Variants in EPS15 observed in about 807,000 individuals in gnomAD.
EPS15 encodes the protein epidermal growth factor receptor pathway substrate 15, also known as epidermal growth factor receptor substrate 15.
A neutral mutation model predicts 113.8 loss-of-function variants in EPS15; 72 were observed. That is an observed-to-expected ratio of 0.63 (90% confidence interval 0.52 to 0.77). EPS15 has a LOEUF of 0.77. EPS15 is among the 30% of genes least tolerant of loss of function. The pLI, the probability that EPS15 is intolerant of heterozygous loss-of-function variation, is 0.00. For synonymous variants in EPS15, 344 were observed against 363.4 expected (o/e 0.95, Z 0.61); for missense variants, 1,048 against 1,045.8 (o/e 1.00, Z -0.03).
intron 16 of EPS15, among the ~76,000 whole-genome samples, chr1:51,404,962 C>G (rs1307009373): frequency 1.3e-5 from 2 of 152,208 alleles, no homozygotes; most frequent in Non-Finnish European, 2.9e-5. Context: ...TTCAGAACTT[C>G]TCAAGATTCT....
intron 15 of EPS15, 141 bp downstream of exon 15, chr1:51,407,994 A>C: frequency 1.4e-6 from 1 of 701,892 alleles, no homozygotes; most frequent in Non-Finnish European, 2.5e-6. Flanking sequence ...AACAGGTGAC[A>C]AAAAAACCTA....
At chr1:51,413,341 A>C (rs1570247669) in intron 13 of EPS15, among the ~76,000 whole-genome samples, 1 of 152,190 alleles carries the variant, frequency 6.6e-6, no homozygotes, top group East Asian at 1.9e-4. Flanking sequence ...GCTAACCTCT[A>C]AATTACAAAC....
chr1:51,451,304 C>T (rs1653528258), intron 8 of EPS15, among the ~76,000 whole-genome samples: 1 of 151,474 alleles, frequency 6.6e-6, no homozygotes, highest in South Asian at 2.1e-4. Context: ...GCCTGGCCAA[C>T]ATGGTAAAAC....
At chr1:51,414,495 T>C (rs1353801649) in intron 13 of EPS15, among the ~76,000 whole-genome samples, 1 of 152,198 alleles carries the variant, frequency 6.6e-6, no homozygotes, top group Non-Finnish European at 1.5e-5. Flanking sequence ...TAGGTTTATA[T>C]AACAATATGC....
intron 1 of EPS15, among the ~76,000 whole-genome samples, chr1:51,498,580 T>C (rs1644364464): frequency 6.6e-6 from 1 of 152,180 alleles, no homozygotes; most frequent in Non-Finnish European, 1.5e-5. Context: ...GCTATGATGT[T>C]TGGTAAGTTA....
chr1:51,446,992 T>C lies in EPS15; in HGVS notation c.765A>G (p.Thr255=), dbSNP rs760309555. The change falls in exon 10 of 25, where the codon ACA becomes ACG. Residue 255 remains threonine (T), a synonymous_variant. Coordinates refer to ENST00000371733, the MANE Select transcript of EPS15 (RefSeq NM_001981.3). ...GLEVREIFLK[T]GLPSTLLAHI... ...GGGCTAGTAAGGTAGAAGGTAAACC[T>C]GTTTTCAAGAATATTTCACGGACCT... The C allele has an allele frequency of 6.2e-7, 1 of 1,613,296 alleles. No homozygotes were observed. The highest frequency in any genetic ancestry group is 1.1e-5 in the South Asian group (1 of 91,024).
intron 1 of EPS15, among the ~76,000 whole-genome samples, chr1:51,517,313 G>A (rs146601695): frequency 2.2e-3 from 341 of 152,160 alleles, no homozygotes; most frequent in Non-Finnish European, 3.5e-3. Flanking sequence ...TACTGATTCC[G>A]TACTTACTGT....
chr1:51,499,231 A>C (rs1454693598), intron 1 of EPS15, among the ~76,000 whole-genome samples: 1 of 152,212 alleles, frequency 6.6e-6, no homozygotes, highest in South Asian at 2.1e-4. Context: ...AGACACATAT[A>C]AAAACAAACA....
intron 13 of EPS15, among the ~76,000 whole-genome samples, chr1:51,418,219 G>A (rs927297437): frequency 6.6e-6 from 1 of 152,094 alleles, no homozygotes; most frequent in Non-Finnish European, 1.5e-5. Flanking sequence ...ACATTTGGGT[G>A]TTATCAGCAT....
In EPS15 at chr1:51,355,873, C is replaced by A; in HGVS notation, c.*827G>T. ...GCTGCCATGTTAAGACTTTTGCTTG[C>A]CTTATACTGATGGGTATATTTTAGG... On this transcript the variant is annotated 3_prime_UTR_variant, in exon 25 of 25. Transcript: ENST00000371733. The A allele has an allele frequency of 5.1e-6, 1 of 197,922 alleles. No homozygotes were observed. The allele number at this position is 197,922 out of a possible 1,614,324, so 12.3% of individuals were successfully genotyped here.
intron 1 of EPS15, among the ~76,000 whole-genome samples, chr1:51,484,479 A>C (rs569752772): frequency 6.6e-6 from 1 of 152,296 alleles, no homozygotes; most frequent in Non-Finnish European, 1.5e-5. Flanking sequence ...ATCAAAATAC[A>C]CTAAAACCAG....
At chr1:51,503,024 A>G (rs1644439609) in intron 1 of EPS15, among the ~76,000 whole-genome samples, 1 of 151,598 alleles carries the variant, frequency 6.6e-6, no homozygotes, top group African/African-American at 2.4e-5. Flanking sequence ...AAAAAAAAAG[A>G]ATTCCATTCA....
At chr1:51,365,565 C>T (rs1483746503) in intron 22 of EPS15, among the ~76,000 whole-genome samples, 1 of 152,126 alleles carries the variant, frequency 6.6e-6, no homozygotes, top group Non-Finnish European at 1.5e-5. Flanking sequence ...CTAACAACCT[C>T]AGAACATAAA....
intron 12 of EPS15, 21 bp from the exon 13 acceptor site, chr1:51,421,879 G>A (rs774007351): frequency 1.2e-6 from 2 of 1,610,892 alleles, no homozygotes; most frequent in Admixed American, 3.3e-5. Flanking sequence ...AGCAAACAAT[G>A]CAAGAATATT....
At chr1:51,424,515 A>T (rs1412977908) in intron 12 of EPS15, among the ~76,000 whole-genome samples, 1 of 152,206 alleles carries the variant, frequency 6.6e-6, no homozygotes, top group Admixed American at 6.5e-5. Context: ...CTCTTTAAGG[A>T]TCTGTGCCAC....
chr1:51,488,926 C>A (rs183033494), intron 1 of EPS15, among the ~76,000 whole-genome samples: 8 of 152,238 alleles, frequency 5.3e-5, no homozygotes, highest in African/African-American at 1.7e-4. Context: ...CTTCTCATAG[C>A]TGGCTAGAAT....
intron 20 of EPS15, among the ~76,000 whole-genome samples, chr1:51,396,488 C>T (rs1202372589): frequency 2.6e-5 from 4 of 152,088 alleles, no homozygotes; most frequent in Non-Finnish European, 4.4e-5. Context: ...TGGCACATTT[C>T]GGATTTGGGG....
intron 12 of EPS15, among the ~76,000 whole-genome samples, chr1:51,433,759 G>C (rs568518404): frequency 6.6e-6 from 1 of 152,176 alleles, no homozygotes; most frequent in African/African-American, 2.4e-5. Flanking sequence ...CCTGTTTACT[G>C]GCCCAAGACC....
intron 24 of EPS15, 32 bp downstream of exon 24, chr1:51,361,139 T>C (rs1646375391): frequency 1.3e-6 from 2 of 1,519,732 alleles, no homozygotes; most frequent in African/African-American, 2.8e-5. Context: ...TTTAAAGATT[T>C]CTCCCCCAAA....
Sources: gnomAD v4.1 joint callset for allele counts (sites outside exome capture counted in the v4.1 genomes callset) on GRCh38, gnomAD v4.1.1 for gene constraint, MANE v1.5 for transcripts, NCBI Gene and HGNC (gene_info 2026-07-23, HGNC 2026-07-21) for gene names.